Variants in MOG observed in about 807,000 individuals in gnomAD.
The protein encoded by MOG is myelin oligodendrocyte glycoprotein.
Under a neutral mutation model 35.9 loss-of-function variants are expected in MOG, and 20 were observed. The observed-to-expected ratio is 0.56, with a 90% CI of 0.39 to 0.81. The LOEUF (loss-of-function observed/expected upper bound fraction) is 0.81, where lower values mean the gene tolerates loss of function less well. MOG is among the 30% of genes least tolerant of loss of function. The pLI, the probability that MOG is intolerant of heterozygous loss-of-function variation, is 0.00. For synonymous variants in MOG, 92 were observed against 114.3 expected, an observed-to-expected ratio of 0.80 and a Z score of 1.25; for missense variants, 251 against 301.0, an observed-to-expected ratio of 0.83 and a Z score of 1.23.
At chr6:29,665,166 G>A (rs759391602) in intron 2 of MOG, among the ~76,000 whole-genome samples, 1 of 150,868 alleles carries the variant, frequency 6.6e-6, no homozygotes, top group African/African-American at 2.4e-5. Context: ...GCAAGATCTC[G>A]GCTCACCTCA....
chr6:29,668,192 CTT>C (rs913546933), intron 5 of MOG, among the ~76,000 whole-genome samples: 6 of 152,226 alleles, frequency 3.9e-5, no homozygotes, highest in African/African-American at 1.4e-4. Flanking sequence ...CATGATCTCT[CTT>C]TTCAGGAATG....
Position 29,670,177 on chromosome 6 carries a change from C to A in MOG, c.593-104C>A. 2 of 1,603,092 alleles carry A rather than the reference C, an allele frequency of 1.2e-6. No individual in the cohort carries two copies. Among genetic ancestry groups the A allele is most frequent in the Non-Finnish European group, 8.5e-7 (1 of 1,169,890 alleles). On this transcript the variant is annotated intron_variant, in intron 5 of 7. Transcript: ENST00000376917. This position sits in a 1 kb window ranked among gnomAD's most constrained non-coding sequence, Gnocchi z 4.2. ...ACTTTCTGAATTTTGTCCCCAGAGT[C>A]CTTTGGTGTTCTAGGACCCCAGGTT...
Position 29,670,435 on chromosome 6 carries a change from T to A in MOG, c.709+38T>A. On this transcript the variant is annotated intron_variant, in intron 6 of 7. Coordinates refer to ENST00000376917, the MANE Select transcript of MOG (RefSeq NM_206809.4). The surrounding 1 kb of genome is among the most constrained non-coding windows in gnomAD (Gnocchi z 4.2). ...GGCAGCAGGCAAGACCACCAAATAG[T>A]GGGGGACCAAGTCAGCTCTGAATGG... 1 of 1,594,644 alleles carries A rather than the reference T, an allele frequency of 6.3e-7. No homozygotes were observed. Among genetic ancestry groups the A allele is most frequent in the Non-Finnish European group, 8.6e-7 (1 of 1,163,022 alleles).
chr6:29,670,032 G>A lies in MOG; in HGVS notation c.593-249G>A, dbSNP rs987211053. ...GATCCACCCGTCTCGGACTCCCAGA[G>A]TGTTGGGATTACAGGCATGAGCCAC... On this transcript the variant is annotated intron_variant, in intron 5 of 7. Coordinates refer to ENST00000376917, the MANE Select transcript of MOG (RefSeq NM_206809.4). The surrounding 1 kb of genome is among the most constrained non-coding windows in gnomAD (Gnocchi z 4.2). 2.3e-5 allele frequency: 17 copies of A among 732,966 alleles called. No individual in the cohort carries two copies. The highest frequency in any genetic ancestry group is 4.0e-5 in the Non-Finnish European group (16 of 404,520). 45.4% of individuals were successfully genotyped at this position (732,966 alleles called of 1,614,324 possible).
chr6:29,658,074 C>T (rs1214496569), intron 1 of MOG, among the ~76,000 whole-genome samples: 1 of 152,208 alleles, frequency 6.6e-6, no homozygotes, highest in Non-Finnish European at 1.5e-5. Context: ...ATCAGGATTA[C>T]ATGAAATGAG....
At position 29,664,214 on chromosome 6, in the gene MOG, A is replaced by ATT. The variant is rs759286771; in HGVS notation, c.437-1929_437-1928dup. 1.7e-3 allele frequency among the ~76,000 whole-genome samples: 239 copies of ATT among 139,642 alleles called. 2 individuals are homozygous for ATT. The highest frequency in any genetic ancestry group is 0.011 in the South Asian group (51 of 4,686). The allele number at this position is 139,642 out of a possible 152,430, so 91.6% of individuals were successfully genotyped here. ...TCTTTTTTCTTTTATTTATTTATTT[A>ATT]TTTTTTTTTTGAGATGGAGTTTTGC... On this transcript the variant is annotated intron_variant, in intron 2 of 7. Transcript: ENST00000376917.
intron 1 of MOG, 112 bp from the exon 2 acceptor site, chr6:29,659,207 A>T: frequency 2.2e-6 from 2 of 898,082 alleles, no homozygotes; most frequent in South Asian, 1.4e-5. Context: ...AATGTCATTT[A>T]AAAGTCGAGT....
intron 2 of MOG, chr6:29,664,581 A>G (rs1401468538): frequency 2.2e-6 from 1 of 447,958 alleles, no homozygotes; most frequent in Non-Finnish European, 4.5e-6. Context: ...CCGCAAGCTG[A>G]TGAAGTTGAT....
In MOG at chr6:29,666,229, G is replaced by A; in HGVS notation, c.514G>A (p.Gly172Ser). The A allele has an allele frequency of 1.2e-6, 2 of 1,612,594 alleles. No homozygotes were observed. The highest frequency in any genetic ancestry group is 1.7e-6 in the Non-Finnish European group (2 of 1,179,694). ...TGTGCTCCTCCTGCAGATCACTGTTGGCCTCATCTTCCTCTGCCTGCAGTA... is the reference window on the plus strand; with the variant it reads ...TGTGCTCCTCCTGCAGATCACTGTTAGCCTCATCTTCCTCTGCCTGCAGTA... ...LPVLLLQITV[G>S]LIFLCLQYRL... is the part of the protein sequence containing the mutation. Residue 172 changes from glycine to serine, a missense_variant, in exon 3 of 8, where the codon GGC becomes AGC. Coordinates refer to ENST00000376917, the MANE Select transcript of MOG (RefSeq NM_206809.4).
intron 2 of MOG, among the ~76,000 whole-genome samples, chr6:29,665,021 T>C (rs577501215): frequency 4.0e-4 from 61 of 152,284 alleles, no homozygotes; most frequent in Admixed American, 1.6e-3. Context: ...AATTTCAAAA[T>C]AGTAATGAAC....
intron 2 of MOG, among the ~76,000 whole-genome samples, chr6:29,660,115 G>T (rs1390708309): frequency 6.7e-6 from 1 of 149,764 alleles, no homozygotes; most frequent in Non-Finnish European, 1.5e-5. Context: ...GAGCCCAGGG[G>T]TTTGCAGTTA....
chr6:29,669,677 T>C (rs1771032705), intron 5 of MOG, among the ~76,000 whole-genome samples: 1 of 152,252 alleles, frequency 6.6e-6, no homozygotes, highest in East Asian at 1.9e-4. Context: ...AAAACATCTG[T>C]GGCTTCCATT....
At chr6:29,669,364 C>T (rs181334532) in intron 5 of MOG, among the ~76,000 whole-genome samples, 1 of 152,012 alleles carries the variant, frequency 6.6e-6, no homozygotes, top group Admixed American at 6.6e-5. Context: ...AATCTCGGCT[C>T]ACTGCAACCT....
chr6:29,661,548 C>T, intron 2 of MOG: 1 of 985,146 alleles, frequency 1.0e-6, no homozygotes. Context: ...AAGCCGGTTG[C>T]GGTGGCTCAC....
In MOG at chr6:29,672,315, A is replaced by C. The variant is rs1200308994; in HGVS notation, c.*1130A>C. The stretch of plus-strand genomic sequence containing the variant: ...AAATAAATAAATAAATAAATAAATA[A>C]ATAAATAAATAAATAAATAAAAAAT... On this transcript the variant is annotated 3_prime_UTR_variant, in exon 8 of 8. Transcript: ENST00000376917. 1 of 257,262 alleles carries C rather than the reference A, an allele frequency of 3.9e-6. No homozygotes were observed. Among genetic ancestry groups the C allele is most frequent in the Non-Finnish European group, 7.0e-6 (1 of 143,460 alleles). The allele number at this position is 257,262 out of a possible 1,614,324, so 15.9% of individuals were successfully genotyped here. A position where few individuals can be genotyped will look rare whatever the true frequency, so the allele number is the denominator to read the frequency against.
chr6:29,666,199 C>T lies in MOG; in HGVS notation c.484C>T (p.Leu162=), dbSNP rs1770179361. ...TGGAGTGCTGGTTCTCCTCGCGGTGCTGCCTGTGCTCCTCCTGCAGATCAC... is the reference window on the plus strand; with the variant it reads ...TGGAGTGCTGGTTCTCCTCGCGGTGTTGCCTGTGCTCCTCCTGCAGATCAC... ...SPGVLVLLAV[L]PVLLLQITVG... Residue 162 remains leucine (L), a synonymous_variant, in exon 3 of 8, where the codon CTG becomes TTG. Coordinates refer to ENST00000376917, the MANE Select transcript of MOG (RefSeq NM_206809.4). The T allele has an allele frequency of 6.2e-7, 1 of 1,612,932 alleles. No individual in the cohort carries two copies. The highest frequency in any genetic ancestry group is 8.5e-7 in the Non-Finnish European group (1 of 1,179,912).
In MOG at chr6:29,667,938, T is replaced by C. The variant is rs1177550257; in HGVS notation, c.592+14T>C. 1 of 1,613,056 alleles carries C rather than the reference T, an allele frequency of 6.2e-7. No homozygotes were observed. Among genetic ancestry groups the C allele is most frequent in the African/African-American group, 1.3e-5 (1 of 75,074 alleles). The stretch of plus-strand genomic sequence containing the variant: ...ACCGGACTTTTGGTAAGTTCCGGCA[T>C]GTCTAGGCCCTCCCAGGTCAACTTG... On this transcript the variant is annotated intron_variant, in intron 5 of 7. Coordinates refer to ENST00000376917, the MANE Select transcript of MOG (RefSeq NM_206809.4).
At chr6:29,661,902 T>G (rs1768884608) in intron 2 of MOG, 2 of 984,704 alleles carry the variant, frequency 2.0e-6, no homozygotes, top group Admixed American at 1.2e-4. Context: ...CTCTTTTGGG[T>G]TGCTATCCAC....
chr6:29,667,515 C>T, intron 3 of MOG, 128 bp from the exon 4 acceptor site: 3 of 881,252 alleles, frequency 3.4e-6, no homozygotes, highest in Non-Finnish European at 5.7e-6. Context: ...GCTCTTCCTA[C>T]TCTCCTGAGG....
Sources: gnomAD v4.1 joint callset for allele counts (sites outside exome capture counted in the v4.1 genomes callset) on GRCh38, gnomAD v4.1.1 for gene constraint, Gnocchi (gnomAD v3.1) non-coding constraint, MANE v1.5 for transcripts, NCBI Gene and HGNC (gene_info 2026-07-23, HGNC 2026-07-21) for gene names.